Variants in SOBP observed in about 807,000 individuals in gnomAD.
SOBP encodes sine oculis-binding protein homolog.
In SOBP, 4 loss-of-function variants were observed where a neutral mutation model predicts 53.6. The observed-to-expected ratio is 0.07, with a 90% CI of 0.04 to 0.17. The LOEUF is 0.17. Among genes scored for constraint, SOBP ranks in the 10% least tolerant of loss-of-function variants. The pLI, the probability that SOBP is intolerant of heterozygous loss-of-function variation, is 1.00. For synonymous variants in SOBP, 584 were observed against 522.6 expected, an observed-to-expected ratio of 1.12 and a Z score of -1.60; for missense variants, 1,088 against 1,204.7, an observed-to-expected ratio of 0.90 and a Z score of 1.43.
intron 4 of SOBP, among the ~76,000 whole-genome samples, chr6:107,580,424 G>A (rs1004065207): frequency 6.6e-5 from 10 of 152,230 alleles, no homozygotes; most frequent in African/African-American, 2.4e-4. Flanking sequence ...GGAAGAATGA[G>A]AGCTAATGAA....
intron 3 of SOBP, among the ~76,000 whole-genome samples, 186 bp downstream of exon 3, chr6:107,506,613 ACTAC>A (rs1180817351): frequency 2.0e-5 from 3 of 152,202 alleles, no homozygotes; most frequent in Non-Finnish European, 4.4e-5. Flanking sequence ...TTCCCTACCT[ACTAC>A]TACTTAGGCT....
At chr6:107,571,087 G>T (rs572937324) in intron 4 of SOBP, among the ~76,000 whole-genome samples, 1 of 152,176 alleles carries the variant, frequency 6.6e-6, no homozygotes, top group East Asian at 1.9e-4. Context: ...GGAGTGTCAG[G>T]GCTGTTGGAC....
chr6:107,623,144 T>C (rs904501213), intron 5 of SOBP, among the ~76,000 whole-genome samples: 6 of 152,178 alleles, frequency 3.9e-5, no homozygotes, highest in Non-Finnish European at 1.5e-5. Context: ...AAAGCAGATT[T>C]TTTTGAAGTG....
intron 4 of SOBP, among the ~76,000 whole-genome samples, chr6:107,568,917 C>CT (rs1201863702): frequency 8.5e-5 from 13 of 152,244 alleles, no homozygotes; most frequent in Non-Finnish European, 1.8e-4. Flanking sequence ...CACTCCCACA[C>CT]TTTTTTATTA....
chr6:107,572,051 A>G (rs1457010882), intron 4 of SOBP, among the ~76,000 whole-genome samples: 2 of 152,178 alleles, frequency 1.3e-5, no homozygotes, highest in Non-Finnish European at 2.9e-5. Flanking sequence ...TGCACAGCTG[A>G]CTCAGGGAGG....
At chr6:107,589,765 C>T (rs180791989) in intron 5 of SOBP, among the ~76,000 whole-genome samples, 17 of 152,268 alleles carry the variant, frequency 1.1e-4, no homozygotes, top group Admixed American at 3.3e-4. Context: ...TTAGCTAAAA[C>T]GAGTACTATT....
At chr6:107,600,191 G>A (rs1327729768) in intron 5 of SOBP, among the ~76,000 whole-genome samples, 1 of 152,210 alleles carries the variant, frequency 6.6e-6, no homozygotes, top group Admixed American at 6.5e-5. Flanking sequence ...AAATTACAAT[G>A]TGTGTGAGGA....
At chr6:107,535,734 A>G (rs572794916) in intron 4 of SOBP, among the ~76,000 whole-genome samples, 24 of 150,714 alleles carry the variant, frequency 1.6e-4, no homozygotes, top group Admixed American at 2.0e-4. Context: ...ACAATATTAT[A>G]TTGTCTTACA....
chr6:107,597,227 T>C (rs1443657630), intron 5 of SOBP, among the ~76,000 whole-genome samples: 1 of 152,196 alleles, frequency 6.6e-6, no homozygotes, highest in South Asian at 2.1e-4. Context: ...TATTAAGATA[T>C]GTGAAATATT....
intron 4 of SOBP, among the ~76,000 whole-genome samples, chr6:107,536,408 C>G (rs1458933333): frequency 2.0e-5 from 3 of 152,152 alleles, no homozygotes; most frequent in Non-Finnish European, 1.5e-5. Context: ...TTCACACACG[C>G]TTGGGTGTAG....
At position 107,587,106 on chromosome 6, in the gene SOBP, A is replaced by G. The variant is rs767113412; in HGVS notation, c.600A>G (p.Glu200=). ...CTAGAGATGAAGATGGACATGCTGAAAATTTTCCCCAGCAGCACTATGCTA... is the reference window on the plus strand; with the variant it reads ...CTAGAGATGAAGATGGACATGCTGAGAATTTTCCCCAGCAGCACTATGCTA... ...NKARDEDGHA[E]NFPQQHYAKE... is the part of the protein sequence containing the mutation. The change falls in exon 5 of 7, where the codon GAA becomes GAG. Residue 200 remains glutamate (E), a synonymous_variant. Coordinates refer to ENST00000317357, the MANE Select transcript of SOBP (RefSeq NM_018013.4). 3.1e-6 allele frequency: 5 copies of G among 1,613,572 alleles called. No individual in the cohort carries two copies. The African/African-American group carries it at 5.3e-5, about 17-fold the overall frequency.
At chr6:107,534,919 T>C (rs896778088) in intron 4 of SOBP, among the ~76,000 whole-genome samples, 1 of 152,208 alleles carries the variant, frequency 6.6e-6, no homozygotes, top group Non-Finnish European at 1.5e-5. Flanking sequence ...AAATGATCTC[T>C]GAGACCCCGG....
chr6:107,527,642 T>A lies in SOBP; in HGVS notation c.422-5817T>A, dbSNP rs149301548. ...TAGTTAGGGTGGGCATGACCAGTCC[T>A]TGATCGACTTACTCTTGTCACACAC... On this transcript the variant is annotated intron_variant, in intron 3 of 6. Transcript: ENST00000317357. Among the ~76,000 whole-genome samples, 4 of 152,348 alleles carry A rather than the reference T, an allele frequency of 2.6e-5. No homozygotes were observed. In the East Asian group the frequency reaches 7.7e-4, roughly 29 times the overall value.
chr6:107,629,352 A>G (rs992740187), intron 5 of SOBP, among the ~76,000 whole-genome samples: 1 of 151,750 alleles, frequency 6.6e-6, no homozygotes, highest in African/African-American at 2.4e-5. Context: ...CTCAGAAGGC[A>G]GTGGTGGATT....
chr6:107,538,241 T>C (rs1310150299), intron 4 of SOBP, among the ~76,000 whole-genome samples: 1 of 152,224 alleles, frequency 6.6e-6, no homozygotes, highest in Non-Finnish European at 1.5e-5. Context: ...TTTCTCAGTT[T>C]CAGACTTAAT....
chr6:107,492,394 G>T (rs1782601800), intron 1 of SOBP, among the ~76,000 whole-genome samples: 1 of 152,154 alleles, frequency 6.6e-6, no homozygotes, highest in Non-Finnish European at 1.5e-5. Context: ...TGCCTAATGT[G>T]ATCTATATGG....
At chr6:107,529,035 C>T (rs145950911) in intron 3 of SOBP, among the ~76,000 whole-genome samples, 11 of 152,238 alleles carry the variant, frequency 7.2e-5, no homozygotes, top group Non-Finnish European at 1.0e-4. Flanking sequence ...CGGGCACCTG[C>T]GAAGTACTGC....
At chr6:107,592,792 T>C (rs1003414532) in intron 5 of SOBP, among the ~76,000 whole-genome samples, 5 of 152,200 alleles carry the variant, frequency 3.3e-5, no homozygotes, top group Admixed American at 1.3e-4. Flanking sequence ...CCATTTTTTT[T>C]CCCCAGCCAT....
chr6:107,528,261 TAGTG>T (rs1398414453), intron 3 of SOBP, among the ~76,000 whole-genome samples: 2 of 152,202 alleles, frequency 1.3e-5, no homozygotes, highest in African/African-American at 4.8e-5. Context: ...AATTTAATCT[TAGTG>T]AGCAGCTGAA....
Sources: allele counts gnomAD v4.1 joint callset (sites outside exome capture counted in the v4.1 genomes callset), GRCh38; gene constraint gnomAD v4.1.1; transcripts MANE v1.5; gene names NCBI Gene and HGNC (gene_info 2026-07-23, HGNC 2026-07-21).